Variants in ZNF862 observed in about 807,000 individuals in gnomAD.
ZNF862 encodes zinc finger protein 862.
Under a neutral mutation model 91.1 loss-of-function variants are expected in ZNF862, and 64 were observed. That is an observed-to-expected ratio of 0.70 (90% CI 0.57 to 0.87). ZNF862 has a LOEUF of 0.87. Ranked by LOEUF, ZNF862 falls within the 40% of genes least tolerant of loss-of-function variation. ZNF862 has a pLI of 0.00. For synonymous variants in ZNF862, 631 were observed against 618.1 expected, an observed-to-expected ratio of 1.02 and a Z score of -0.31; for missense variants, 1,459 against 1,528.0, an observed-to-expected ratio of 0.95 and a Z score of 0.75.
Position 149,861,726 on chromosome 7 carries a change from G to T in ZNF862, c.2566G>T (p.Glu856Ter). 4 of 1,613,540 alleles carry T rather than the reference G, an allele frequency of 2.5e-6. No homozygotes were observed. The highest frequency in any genetic ancestry group is 3.4e-6 in the Non-Finnish European group (4 of 1,179,800). The change falls in exon 7 of 8, where the codon GAG (glutamate) becomes TAG (stop). Residue 856 changes from glutamate to a stop codon, truncating the protein, a stop_gained. Transcript: ENST00000223210. LOFTEE classifies it high-confidence loss of function. The surrounding 1 kb of genome is among the most constrained non-coding windows in gnomAD (Gnocchi z 6.7). The stretch of plus-strand genomic sequence containing the variant: ...CCTGAGCATCTACAGGCCTCTGTCC[G>T]AGGTGTGCCAGAAGGAGATCGTGCT... ...DFLSIYRPLS[E>*]VCQKEIVLIT... is the part of the protein sequence containing the mutation.
rs1176945894 is a variant in ZNF862 at position 149,855,679 on chromosome 7, C to T, written c.1118-3743C>T. Among the ~76,000 whole-genome samples the T allele has an allele frequency of 6.6e-6, 1 of 152,182 alleles. No homozygotes were observed. The highest frequency in any genetic ancestry group is 1.5e-5 in the Non-Finnish European group (1 of 68,028). On this transcript the variant is annotated intron_variant, in intron 5 of 7. Coordinates refer to ENST00000223210, the MANE Select transcript of ZNF862 (RefSeq NM_001099220.3). The surrounding 1 kb of genome is among the most constrained non-coding windows in gnomAD (Gnocchi z 4.1). ...CATGGGTGAATGTCTGCCCTGGCAG[C>T]CTGTCTATATAGGCGCCTTCACAGG...
chr7:149,859,541 A>C lies in ZNF862; in HGVS notation c.1222+15A>C. 1 of 1,547,094 alleles carries C rather than the reference A, an allele frequency of 6.5e-7. No individual in the cohort carries two copies. Among genetic ancestry groups the C allele is most frequent in the East Asian group, 2.4e-5 (1 of 41,608 alleles). On this transcript the variant is annotated intron_variant, in intron 6 of 7. Coordinates refer to ENST00000223210, the MANE Select transcript of ZNF862 (RefSeq NM_001099220.3). ...TCGTCCTCCAGGTGAGTGTAAACCT[A>C]CAGCATTCTGAAGGACATGTGCCAG...
At chr7:149,860,117 C>G in intron 6 of ZNF862, 1 of 495,316 alleles carries the variant, frequency 2.0e-6, no homozygotes. Context: ...TCACATGATC[C>G]CAGGGTAGCT....
chr7:149,846,139 T>TC lies in ZNF862; in HGVS notation c.137-12_137-11insC. ...CTCTCTCTCTCGCTCTCTTTTTTTT[T>TC]TTTGGACTCAGGACCAACTGTTGCC... On this transcript the variant is annotated splice_polypyrimidine_tract_variant and intron_variant, in intron 2 of 7. Coordinates refer to ENST00000223210, the MANE Select transcript of ZNF862 (RefSeq NM_001099220.3). 1 of 1,602,432 alleles carries TC rather than the reference T, an allele frequency of 6.2e-7. No homozygotes were observed. The highest frequency in any genetic ancestry group is 8.5e-7 in the Non-Finnish European group (1 of 1,172,310).
intron 3 of ZNF862, 99 bp from the exon 4 acceptor site, chr7:149,847,636 T>A: frequency 7.6e-6 from 5 of 654,014 alleles, no homozygotes; most frequent in Non-Finnish European, 1.3e-5. Context: ...TGTGTGTGCT[T>A]TCCGTCTTTC....
chr7:149,855,814 C>A lies in ZNF862; in HGVS notation c.1118-3608C>A, dbSNP rs1802241326. On this transcript the variant is annotated intron_variant, in intron 5 of 7. Coordinates refer to ENST00000223210, the MANE Select transcript of ZNF862 (RefSeq NM_001099220.3). The surrounding 1 kb of genome is among the most constrained non-coding windows in gnomAD (Gnocchi z 4.1). The stretch of plus-strand genomic sequence containing the variant: ...CTGAACCATAGAAGCACTTCCAGAC[C>A]CTGTGCTCTCCCAGACCTGGGATTG... Among the ~76,000 whole-genome samples the A allele has an allele frequency of 6.6e-6, 1 of 152,200 alleles. No individual in the cohort carries two copies. The highest frequency in any genetic ancestry group is 2.1e-4 in the South Asian group (1 of 4,828).
Position 149,861,948 on chromosome 7 carries a change from G to A in ZNF862, c.2788G>A (p.Glu930Lys), listed in dbSNP as rs369571868. 69 of 1,613,678 alleles carry A rather than the reference G, an allele frequency of 4.3e-5. No homozygotes were observed. Among genetic ancestry groups the A allele is most frequent in the South Asian group, 7.7e-5 (7 of 91,076 alleles). The stretch of plus-strand genomic sequence containing the variant: ...GGAGAGGACAGTCCTGACGGGGATT[G>A]AGTACCTCCAGCAGAGGTTTGACGC... ...DRERTVLTGI[E>K]YLQQRFDADR... is the part of the protein sequence containing the mutation. The change falls in exon 7 of 8, where the codon GAG becomes AAG. Residue 930 changes from glutamate to lysine, a missense_variant. Coordinates refer to ENST00000223210, the MANE Select transcript of ZNF862 (RefSeq NM_001099220.3). The surrounding 1 kb of genome is among the most constrained non-coding windows in gnomAD (Gnocchi z 6.7).
intron 5 of ZNF862, among the ~76,000 whole-genome samples, chr7:149,852,985 C>T (rs1586055599): frequency 6.6e-6 from 1 of 152,162 alleles, no homozygotes; most frequent in Admixed American, 6.5e-5. Context: ...CAGGGGAGTT[C>T]GAGTCCCCCA....
chr7:149,862,898 G>T (rs1346068338), intron 7 of ZNF862, among the ~76,000 whole-genome samples: 1 of 152,240 alleles, frequency 6.6e-6, no homozygotes, highest in Non-Finnish European at 1.5e-5. Flanking sequence ...TAAAGGTCAA[G>T]ACCACTGCTG....
chr7:149,859,530 A>C lies in ZNF862; in HGVS notation c.1222+4A>C. ...TGGGGGAAAGGTCGTCCTCCAGGTG[A>C]GTGTAAACCTACAGCATTCTGAAGG... On this transcript the variant is annotated splice_donor_region_variant and intron_variant, in intron 6 of 7. Coordinates refer to ENST00000223210, the MANE Select transcript of ZNF862 (RefSeq NM_001099220.3). 6.4e-7 allele frequency: 1 copy of C among 1,560,924 alleles called. No homozygotes were observed. Among genetic ancestry groups the C allele is most frequent in the Non-Finnish European group, 8.7e-7 (1 of 1,151,566 alleles).
intron 5 of ZNF862, chr7:149,851,973 G>A (rs1478769194): frequency 6.6e-6 from 1 of 152,186 alleles, no homozygotes; most frequent in African/African-American, 2.4e-5. Context: ...AGTTGCATGT[G>A]TGTGATTCCT....
chr7:149,859,435 C>G lies in ZNF862; in HGVS notation c.1131C>G (p.Ala377=). The G allele has an allele frequency of 1.3e-6, 2 of 1,580,452 alleles. No individual in the cohort carries two copies. Among genetic ancestry groups the G allele is most frequent in the Non-Finnish European group, 1.7e-6 (2 of 1,162,496 alleles). ...ELLASLGPAA[A]KPDLISKLER... ...TCCTTACAACAGGACCTGCCGCTGC[C>G]AAGCCAGACTTGATCTCCAAACTGG... Residue 377 remains alanine, a synonymous_variant, in exon 6 of 8, where the codon GCC becomes GCG. Transcript: ENST00000223210.
chr7:149,862,044 G>C lies in ZNF862; in HGVS notation c.2884G>C (p.Ala962Pro). 1 of 1,613,842 alleles carries C rather than the reference G, an allele frequency of 6.2e-7. No individual in the cohort carries two copies. The highest frequency in any genetic ancestry group is 1.3e-5 in the African/African-American group (1 of 75,020). The change falls in exon 7 of 8, where the codon GCC becomes CCC. Residue 962 changes from alanine to proline, a missense_variant. By Grantham distance (27) the Ala-to-Pro change is conservative. Coordinates refer to ENST00000223210, the MANE Select transcript of ZNF862 (RefSeq NM_001099220.3). ...GGCCTGGCCAAGTGGGATTGAACTT[G>C]CCAGTTTTGGGAATGATGACATTCT... ...TMAWPSGIEL[A>P]SFGNDDILNL... is the part of the protein sequence containing the mutation.
intron 1 of ZNF862, among the ~76,000 whole-genome samples, chr7:149,842,187 A>G (rs1376144987): frequency 6.6e-6 from 1 of 152,180 alleles, no homozygotes; most frequent in Non-Finnish European, 1.5e-5. Context: ...GGAAGTGTGC[A>G]GTCAGGATCT....
At position 149,847,794 on chromosome 7, in the gene ZNF862, G is replaced by A. The variant is rs1321302136; in HGVS notation, c.301G>A (p.Gly101Arg). The change falls in exon 4 of 8, where the codon GGA becomes AGA. Residue 101 changes from glycine (G) to arginine (R), a missense_variant. By Grantham distance (125) the Gly-to-Arg change is moderately radical. Transcript: ENST00000223210. ...MEVQGPTRES[G>R]QSLPPQKKAY... ...GGTGCAAGGTCCCACCAGGGAGAGT[G>A]GACAGTCCCTCCCGCCTCAGAAGAA... 1 of 1,613,610 alleles carries A rather than the reference G, an allele frequency of 6.2e-7. No homozygotes were observed. Among genetic ancestry groups the A allele is most frequent in the Non-Finnish European group, 8.5e-7 (1 of 1,179,806 alleles).
At position 149,846,592 on chromosome 7, in the gene ZNF862, C is replaced by CTGAATGAA. The variant is rs3832503; in HGVS notation, c.241+354_241+361dup. On this transcript the variant is annotated intron_variant, in intron 3 of 7. Transcript: ENST00000223210. ...CCAGCTGTTGCACAGTAGATAATCACTGAATGAATGAATGAATGAATGAAC... is the reference window on the plus strand; with the variant it reads ...CCAGCTGTTGCACAGTAGATAATCACTGAATGAATGAATGAATGAATGAATGAATGAAC... 2.3e-4 allele frequency among the ~76,000 whole-genome samples: 35 copies of CTGAATGAA among 151,832 alleles called. 2 individuals carry two copies. The highest frequency in any genetic ancestry group is 2.1e-3 in the South Asian group (10 of 4,814).
In ZNF862 at chr7:149,861,744, A is replaced by G. The variant is rs1802512123; in HGVS notation, c.2584A>G (p.Ile862Val). 7 of 1,613,430 alleles carry G rather than the reference A, an allele frequency of 4.3e-6. No homozygotes were observed. The highest frequency in any genetic ancestry group is 5.9e-6 in the Non-Finnish European group (7 of 1,179,814). The change falls in exon 7 of 8, where the codon ATC becomes GTC. Residue 862 changes from isoleucine to valine, a missense_variant. Physicochemically the swap from Ile to Val is conservative, Grantham distance 29 (BLOSUM62 3). Coordinates refer to ENST00000223210, the MANE Select transcript of ZNF862 (RefSeq NM_001099220.3). This position sits in a 1 kb window ranked among gnomAD's most constrained non-coding sequence, Gnocchi z 6.7. ...TCTGTCCGAGGTGTGCCAGAAGGAGATCGTGCTGATTACAGAGGTGAACGC... is the reference window on the plus strand; with the variant it reads ...TCTGTCCGAGGTGTGCCAGAAGGAGGTCGTGCTGATTACAGAGGTGAACGC... ...RPLSEVCQKE[I>V]VLITEVNATL... is the part of the protein sequence containing the mutation.
In ZNF862 at chr7:149,838,511, TC is replaced by T; in HGVS notation, c.-96del. ...GCGCTCCCTCCCTACCTGGGTGCCCTCCCCCTCCGGGAGCCTGGGTCCCCGG... is the reference window on the plus strand; with the variant it reads ...GCGCTCCCTCCCTACCTGGGTGCCCTCCCCTCCGGGAGCCTGGGTCCCCGG... On this transcript the variant is annotated 5_prime_UTR_variant, in exon 1 of 8. Coordinates refer to ENST00000223210, the MANE Select transcript of ZNF862 (RefSeq NM_001099220.3). The T allele has an allele frequency of 1.2e-6, 1 of 809,234 alleles. No homozygotes were observed. The highest frequency in any genetic ancestry group is 1.7e-6 in the Non-Finnish European group (1 of 601,864). The allele number at this position is 809,234 out of a possible 1,614,324, so 50.1% of individuals were successfully genotyped here. A position where few individuals can be genotyped will look rare whatever the true frequency, so the allele number is the denominator to read the frequency against.
chr7:149,853,334 T>C (rs1045772018), intron 5 of ZNF862, among the ~76,000 whole-genome samples: 2 of 152,234 alleles, frequency 1.3e-5, no homozygotes, highest in Admixed American at 1.3e-4. Context: ...TGGACTGTTA[T>C]GGAATGTGGG....
Sources: gnomAD v4.1 joint callset for allele counts (sites outside exome capture counted in the v4.1 genomes callset) on GRCh38, gnomAD v4.1.1 for gene constraint, Gnocchi (gnomAD v3.1) non-coding constraint, MANE v1.5 for transcripts, NCBI Gene and HGNC (gene_info 2026-07-23, HGNC 2026-07-21) for gene names.